The following PCDHA4 variants were observed in gnomAD, a reference collection of about 807,000 sequenced individuals.
PCDHA4 encodes protocadherin alpha-4.
A neutral mutation model predicts 61.4 loss-of-function variants in PCDHA4; 49 were observed. The observed-to-expected ratio is 0.80, with a 90% CI of 0.63 to 1.01. The LOEUF (loss-of-function observed/expected upper bound fraction) is 1.01. PCDHA4 is among the 50% of genes least tolerant of loss of function. The pLI is 0.00. For missense variants in PCDHA4, 1,254 were observed against 1,235.8 expected, an observed-to-expected ratio of 1.01 and a Z score of -0.22; for synonymous variants, 590 against 550.3, an observed-to-expected ratio of 1.07 and a Z score of -1.01.
chr5:140,829,774 C>A (rs1293917446), intron 1 of PCDHA4: 3 of 1,613,670 alleles, frequency 1.9e-6, no homozygotes, highest in Non-Finnish European at 2.5e-6. Flanking sequence ...AGAACGACAA[C>A]GCGCCGGCGC....
intron 1 of PCDHA4, chr5:140,869,000 C>A: frequency 2.0e-6 from 3 of 1,518,418 alleles, no homozygotes; most frequent in Non-Finnish European, 2.6e-6. Flanking sequence ...GTTTAAGGAT[C>A]CTTTGAAACT....
intron 1 of PCDHA4, chr5:140,877,741 A>T: frequency 1.2e-6 from 2 of 1,614,182 alleles, no homozygotes; most frequent in Non-Finnish European, 1.7e-6. Flanking sequence ...GAGGAGGCAG[A>T]GGGTGTGCTC....
intron 1 of PCDHA4, chr5:140,830,513 A>C: frequency 7.2e-7 from 1 of 1,380,444 alleles, no homozygotes; most frequent in Non-Finnish European, 9.6e-7. Context: ...ATTAACAGTT[A>C]ATTTTTATTT....
intron 3 of PCDHA4, among the ~76,000 whole-genome samples, chr5:140,984,610 G>A (rs2097110934): frequency 6.6e-6 from 1 of 152,188 alleles, no homozygotes; most frequent in African/African-American, 2.4e-5. Flanking sequence ...CTCTGCATCA[G>A]TGGTGTAAAG....
intron 1 of PCDHA4, chr5:140,883,975 G>A (rs1167945773): frequency 1.2e-6 from 2 of 1,612,842 alleles, no homozygotes; most frequent in African/African-American, 2.7e-5. Flanking sequence ...TGACGCCCGG[G>A]GCTGGCAGCG....
At chr5:140,881,361 C>T (rs990387338) in intron 1 of PCDHA4, 4 of 985,122 alleles carry the variant, frequency 4.1e-6, no homozygotes, top group Non-Finnish European at 2.4e-6. Context: ...GCGTGGCTTT[C>T]GTATGAATTG....
rs1466426021 is a variant in PCDHA4 at position 140,917,334 on chromosome 5, G to C, written c.2386-61615G>C. On this transcript the variant is annotated intron_variant, in intron 1 of 3. Transcript: ENST00000530339. ...TTGGTGTTCATGTGGCGGGGGAGGG[G>C]GGGGATGGTGTAGGCTTCTGTTCCA... Among the ~76,000 whole-genome samples the C allele has an allele frequency of 4.7e-5, 7 of 147,744 alleles. 2 individuals carry two copies. The highest frequency in any genetic ancestry group is 1.4e-4 in the Admixed American group (2 of 14,792).
intron 3 of PCDHA4, among the ~76,000 whole-genome samples, chr5:141,007,371 TG>T (rs2098319446): frequency 7.8e-6 from 1 of 128,740 alleles, no homozygotes. Context: ...GGCAACATGA[TG>T]GAACACCATC....
At chr5:140,983,138 G>C (rs1217034245) in intron 3 of PCDHA4, among the ~76,000 whole-genome samples, 1 of 152,170 alleles carries the variant, frequency 6.6e-6, no homozygotes, top group Non-Finnish European at 1.5e-5. Flanking sequence ...CTGACTTTTA[G>C]TGCCTTGGCA....
At chr5:140,865,173 T>C (rs1230117656) in intron 1 of PCDHA4, 1 of 152,234 alleles carries the variant, frequency 6.6e-6, no homozygotes, top group African/African-American at 2.4e-5. Context: ...TGATGCAAAA[T>C]ATTTTTTGCC....
At chr5:140,843,896 T>C in intron 1 of PCDHA4, 2 of 663,756 alleles carry the variant, frequency 3.0e-6, no homozygotes, top group East Asian at 5.6e-5. Context: ...TATTAATCAT[T>C]CTCCACAAGT....
chr5:140,841,710 C>A (rs2150321322), intron 1 of PCDHA4: 2 of 1,613,738 alleles, frequency 1.2e-6, no homozygotes, highest in African/African-American at 2.7e-5. Flanking sequence ...AATGACAACC[C>A]GCCAGTGTTC....
intron 1 of PCDHA4, chr5:140,862,723 C>T: frequency 1.8e-6 from 1 of 568,234 alleles, no homozygotes; most frequent in East Asian, 4.8e-5. Flanking sequence ...CGAGTGCGCG[C>T]TGTCTAGCTA....
intron 1 of PCDHA4, among the ~76,000 whole-genome samples, chr5:140,819,085 A>C (rs1766488679): frequency 6.6e-6 from 1 of 152,214 alleles, no homozygotes; most frequent in Non-Finnish European, 1.5e-5. Context: ...GGCAGCGCTA[A>C]GATGTGTATT....
intron 1 of PCDHA4, chr5:140,822,027 T>C: frequency 6.2e-7 from 1 of 1,614,174 alleles, no homozygotes. Flanking sequence ...GCATTTTGTT[T>C]GTGAATTCTC....
chr5:140,812,551 G>A (rs1765132254), intron 1 of PCDHA4: 1 of 151,806 alleles, frequency 6.6e-6, no homozygotes, highest in Non-Finnish European at 1.5e-5. Context: ...AGTTCCTTGA[G>A]TTGTTAAGTT....
rs139390480 is a variant in PCDHA4, at chr5:140,856,945, A to T, written c.2385+47373A>T. ...AATTTTGGATAAACGAAAGGACGGGAGAAATAAAAGTAAATGATGCTATTG... is the reference window on the plus strand; with the variant it reads ...AATTTTGGATAAACGAAAGGACGGGTGAAATAAAAGTAAATGATGCTATTG... On this transcript the variant is annotated intron_variant, in intron 1 of 3. Transcript: ENST00000530339. The T allele has an allele frequency of 3.8e-6, 6 of 1,593,208 alleles. No individual in the cohort carries two copies. The highest frequency in any genetic ancestry group is 5.2e-6 in the Non-Finnish European group (6 of 1,163,192).
At chr5:140,958,923 T>C (rs535689053) in intron 1 of PCDHA4, among the ~76,000 whole-genome samples, 1 of 148,814 alleles carries the variant, frequency 6.7e-6, no homozygotes, top group South Asian at 2.1e-4. Flanking sequence ...CTGGGTGTGG[T>C]GGCTCATACT....
Position 140,843,127 on chromosome 5 carries a change from C to G in PCDHA4, c.2385+33555C>G, listed in dbSNP as rs2150353470. 3 of 1,595,942 alleles carry G rather than the reference C, an allele frequency of 1.9e-6. No individual in the cohort carries two copies. The South Asian group carries it at 3.3e-5, about 18-fold the overall frequency. On this transcript the variant is annotated intron_variant, in intron 1 of 3. Transcript: ENST00000530339. The stretch of plus-strand genomic sequence containing the variant: ...TGCGCGCAGTGGACGCCGACTCGGG[C>G]TACAACGCGTGGCTTTCGTATGAGC...
Sources: allele counts gnomAD v4.1 joint callset (sites outside exome capture counted in the v4.1 genomes callset), GRCh38; gene constraint gnomAD v4.1.1; transcripts MANE v1.5; gene names NCBI Gene and HGNC (gene_info 2026-07-23, HGNC 2026-07-21).